AMOTL1: variants seen among roughly 807,000 people sequenced by gnomAD.
AMOTL1 encodes the protein angiomotin like 1.
In AMOTL1, 45 loss-of-function variants were observed where a neutral mutation model predicts 102.9. That is an observed-to-expected ratio of 0.44 (90% CI 0.34 to 0.56). The LOEUF (loss-of-function observed/expected upper bound fraction) is 0.56. AMOTL1 is among the 20% of genes least tolerant of loss of function. AMOTL1 has a pLI of 0.01. For missense variants in AMOTL1, 1,114 were observed against 1,225.6 expected (o/e 0.91, Z 1.36); for synonymous variants, 481 against 484.7 (o/e 0.99, Z 0.10).
intron 1 of AMOTL1, among the ~76,000 whole-genome samples, chr11:94,784,112 G>C (rs1951148336): frequency 6.6e-6 from 1 of 152,122 alleles, no homozygotes. Context: ...GTCATGCTCA[G>C]TAATGTTTCT....
chr11:94,720,432 T>A (rs1358652198), intron 1 of AMOTL1, among the ~76,000 whole-genome samples: 1 of 151,992 alleles, frequency 6.6e-6, no homozygotes, highest in Non-Finnish European at 1.5e-5. Flanking sequence ...TATTTTGAGA[T>A]CTCTCACCGG....
At chr11:94,850,917 C>A (rs1952523490) in intron 7 of AMOTL1, among the ~76,000 whole-genome samples, 1 of 152,206 alleles carries the variant, frequency 6.6e-6, no homozygotes, top group Non-Finnish European at 1.5e-5. Context: ...TTGTTACTAA[C>A]CCAACTGTTG....
At chr11:94,746,423 G>C (rs1373581076) in intron 3 of AMOTL1, among the ~76,000 whole-genome samples, 1 of 152,168 alleles carries the variant, frequency 6.6e-6, no homozygotes, top group Non-Finnish European at 1.5e-5. Flanking sequence ...CCTCTACCTG[G>C]AGGATAGATA....
intron 9 of AMOTL1, 68 bp downstream of exon 9, chr11:94,859,783 T>A: frequency 2.0e-6 from 3 of 1,475,540 alleles, no homozygotes; most frequent in Non-Finnish European, 2.7e-6. Context: ...ACAAACAGGC[T>A]ATCCAGAGAG....
intron 2 of AMOTL1, among the ~76,000 whole-genome samples, chr11:94,733,651 C>G (rs1166641332): frequency 6.6e-6 from 1 of 152,232 alleles, no homozygotes; most frequent in African/African-American, 2.4e-5. Context: ...AGATCATGGT[C>G]TCTGCATTTC....
chr11:94,708,129 G>A (rs746900238), intron 1 of AMOTL1, among the ~76,000 whole-genome samples: 1 of 152,074 alleles, frequency 6.6e-6, no homozygotes, highest in African/African-American at 2.4e-5. Flanking sequence ...CGCTTTGCCT[G>A]AGTTATTGCA....
Position 94,800,226 on chromosome 11 carries a change from GTCAAGCCCTACCCTGC to G in AMOTL1, c.1039_1054del (p.Lys347LeufsTer4). On this transcript the variant is annotated frameshift_variant, in exon 3 of 13. Transcript: ENST00000433060. LOFTEE classifies it high-confidence loss of function. ...GCACCCCGGGATGCTCCACGAGATG[GTCAAGCCCTACCCTGC>G]TCCTCAGCCTGTGAGAACAGATGTG... The G allele has an allele frequency of 6.2e-7, 1 of 1,613,994 alleles. No homozygotes were observed. Among genetic ancestry groups the G allele is most frequent in the East Asian group, 2.2e-5 (1 of 44,872 alleles).
At chr11:94,796,262 C>T (rs1951362524) in intron 2 of AMOTL1, among the ~76,000 whole-genome samples, 1 of 151,976 alleles carries the variant, frequency 6.6e-6, no homozygotes, top group African/African-American at 2.4e-5. Context: ...TCAGAGAAGC[C>T]ACAGAGGTGA....
rs762738194 is a variant in AMOTL1, at chr11:94,799,584, G to A, written c.394G>A (p.Ala132Thr). Residue 132 changes from alanine (A) to threonine (T), a missense_variant, in exon 3 of 13, where the codon GCC (alanine) becomes ACC (threonine). Transcript: ENST00000433060. This position sits in a 1 kb window ranked among gnomAD's most constrained non-coding sequence, Gnocchi z 4.5. Reference protein sequence around the residue: ...QHQATGSAGPAHPTNNFSSTE... With the variant: ...QHQATGSAGPTHPTNNFSSTE... ...CCAGGCCACAGGGAGTGCAGGACCA[G>A]CCCATCCTACAAACAACTTTTCTTC... 20 of 1,613,632 alleles carry A rather than the reference G, an allele frequency of 1.2e-5. No homozygotes were observed. Among genetic ancestry groups the A allele is most frequent in the Admixed American group, 3.3e-5 (2 of 59,992 alleles).
At chr11:94,829,390 T>C (rs1228644091) in intron 4 of AMOTL1, among the ~76,000 whole-genome samples, 1 of 152,000 alleles carries the variant, frequency 6.6e-6, no homozygotes, top group Non-Finnish European at 1.5e-5. Context: ...GCCCAGCTAA[T>C]ATTTGTATTT....
chr11:94,807,204 A>T (rs1166418861), intron 3 of AMOTL1, among the ~76,000 whole-genome samples: 1 of 152,226 alleles, frequency 6.6e-6, no homozygotes, highest in South Asian at 2.1e-4. Flanking sequence ...CAGAGATACC[A>T]TTGTTAAACC....
intron 1 of AMOTL1, among the ~76,000 whole-genome samples, chr11:94,708,285 A>T (rs1427964452): frequency 6.6e-6 from 1 of 152,208 alleles, no homozygotes; most frequent in Non-Finnish European, 1.5e-5. Flanking sequence ...TGGAGTTTAG[A>T]AGCATTAGCA....
At chr11:94,833,378 G>A (rs1952112452) in intron 6 of AMOTL1, among the ~76,000 whole-genome samples, 1 of 152,170 alleles carries the variant, frequency 6.6e-6, no homozygotes, top group African/African-American at 2.4e-5. Context: ...CAAATTTATA[G>A]TTAGGTTGTT....
chr11:94,866,076 C>T lies in AMOTL1; in HGVS notation c.2396C>T (p.Ala799Val). 1.2e-6 allele frequency: 2 copies of T among 1,613,996 alleles called. No individual in the cohort carries two copies. Among genetic ancestry groups the T allele is most frequent in the Non-Finnish European group, 1.7e-6 (2 of 1,179,890 alleles). The part of the protein sequence containing the change: ...RPARSVPSIA[A>V]ATGTHSRQTS... ...GCCCGCTCCGTTCCATCCATAGCAG[C>T]AGCTACTGGGACACACTCTCGCCAG... The change falls in exon 11 of 13, where the codon GCA becomes GTA. Residue 799 changes from alanine (A) to valine (V), a missense_variant. Ala to Val is a moderately conservative substitution (Grantham distance 64). Coordinates refer to ENST00000433060, the MANE Select transcript of AMOTL1 (RefSeq NM_130847.3).
chr11:94,746,570 C>G (rs1234506141), intron 3 of AMOTL1, among the ~76,000 whole-genome samples: 1 of 152,180 alleles, frequency 6.6e-6, no homozygotes, highest in Non-Finnish European at 1.5e-5. Context: ...TCCCCCTTCT[C>G]CCTTTCTCCC....
intron 1 of AMOTL1, among the ~76,000 whole-genome samples, chr11:94,726,187 T>C (rs1484190322): frequency 6.6e-6 from 1 of 152,154 alleles, no homozygotes; most frequent in African/African-American, 2.4e-5. Context: ...CTGTGTCAGT[T>C]TCAGGAGAGT....
At chr11:94,845,742 G>A (rs768081046) in intron 6 of AMOTL1, among the ~76,000 whole-genome samples, 48 of 152,154 alleles carry the variant, frequency 3.2e-4, no homozygotes, top group Non-Finnish European at 6.5e-4. Context: ...CATCACTGTG[G>A]TTTCAAGAGT....
intron 1 of AMOTL1, among the ~76,000 whole-genome samples, chr11:94,781,859 A>G (rs1565349467): frequency 6.6e-6 from 1 of 152,242 alleles, no homozygotes; most frequent in Admixed American, 6.5e-5. Flanking sequence ...AAAAAAAGAA[A>G]AAAACTATCT....
rs1438766780 is a variant in AMOTL1 at position 94,869,449 on chromosome 11, G to A, written c.2740G>A (p.Ala914Thr). ...AHSPVLKHPAAKGTAEKLENS... is the reference protein window; with the variant it reads ...AHSPVLKHPATKGTAEKLENS... The stretch of plus-strand genomic sequence containing the variant: ...CAGCCCCGTCCTGAAACACCCAGCG[G>A]CCAAAGGGACCGCAGAGAAACTGGG... Residue 914 changes from alanine to threonine, a missense_variant, in exon 12 of 13, where the codon GCC becomes ACC. Coordinates refer to ENST00000433060, the MANE Select transcript of AMOTL1 (RefSeq NM_130847.3). The A allele has an allele frequency of 1.9e-6, 3 of 1,602,256 alleles. No individual in the cohort carries two copies. The highest frequency in any genetic ancestry group is 1.7e-6 in the Non-Finnish European group (2 of 1,174,690).
Sources: gnomAD v4.1 joint callset for allele counts (sites outside exome capture counted in the v4.1 genomes callset) on GRCh38, gnomAD v4.1.1 for gene constraint, Gnocchi (gnomAD v3.1) non-coding constraint, MANE v1.5 for transcripts, NCBI Gene and HGNC (gene_info 2026-07-23, HGNC 2026-07-21) for gene names.